PRKCE: variants seen among roughly 807,000 people sequenced by gnomAD.
The protein encoded by PRKCE is protein kinase C epsilon.
PRKCE carries 16 observed loss-of-function variants against 85.4 expected under a neutral mutation model. That is an observed-to-expected ratio of 0.19 (90% CI 0.13 to 0.28). The LOEUF is 0.28. Ranked by LOEUF, PRKCE falls within the 10% of genes least tolerant of loss-of-function variation. The pLI is 1.00. For missense variants in PRKCE, 573 were observed against 975.2 expected (o/e 0.59, Z 5.49); for synonymous variants, 388 against 371.5 (o/e 1.04, Z -0.51).
chr2:46,128,903 C>T (rs1217575313), intron 11 of PRKCE, among the ~76,000 whole-genome samples: 1 of 152,082 alleles, frequency 6.6e-6, no homozygotes, highest in Admixed American at 6.6e-5. Context: ...GGAGCAGGTG[C>T]TTTGAACTTG....
chr2:45,864,319 G>C (rs4953279), intron 2 of PRKCE, among the ~76,000 whole-genome samples: 61,630 of 151,992 alleles, frequency 0.41, 13,728 homozygotes, highest in East Asian at 0.8. Context: ...GCTCTCAGAA[G>C]AAGGCAAGAC....
At chr2:45,858,619 G>A (rs72801057) in intron 2 of PRKCE, among the ~76,000 whole-genome samples, 10,279 of 152,156 alleles carry the variant, frequency 0.068, 358 homozygotes, top group Middle Eastern at 0.11. Context: ...TTCCCCCAAT[G>A]GGGGAAAGAT....
intron 13 of PRKCE, among the ~76,000 whole-genome samples, chr2:46,154,238 C>T (rs910556565): frequency 6.6e-6 from 1 of 152,098 alleles, no homozygotes; most frequent in African/African-American, 2.4e-5. Context: ...GGTGCCTCTC[C>T]TGCCAGCCTC....
intron 11 of PRKCE, among the ~76,000 whole-genome samples, chr2:46,121,816 G>A (rs569366068): frequency 6.6e-6 from 1 of 152,288 alleles, no homozygotes; most frequent in African/African-American, 2.4e-5. Flanking sequence ...GCTGTGGACA[G>A]GAGTCAAGAT....
At chr2:45,914,031 G>A (rs1697571056) in intron 2 of PRKCE, among the ~76,000 whole-genome samples, 1 of 152,148 alleles carries the variant, frequency 6.6e-6, no homozygotes, top group Non-Finnish European at 1.5e-5. Flanking sequence ...TTTCTTCCTG[G>A]ATTGAAACCG....
chr2:45,848,678 G>A (rs1691995583), intron 2 of PRKCE, among the ~76,000 whole-genome samples: 1 of 151,632 alleles, frequency 6.6e-6, no homozygotes. Flanking sequence ...GGAGAGTGGA[G>A]AAGGAAGTAG....
chr2:46,143,762 G>A (rs561191431), intron 11 of PRKCE, among the ~76,000 whole-genome samples: 5 of 152,278 alleles, frequency 3.3e-5, no homozygotes, highest in African/African-American at 1.2e-4. Flanking sequence ...TGTTCTTTCT[G>A]TAGTTCATGA....
At chr2:46,113,817 A>G (rs1427926505) in intron 11 of PRKCE, among the ~76,000 whole-genome samples, 2 of 152,146 alleles carry the variant, frequency 1.3e-5, no homozygotes, top group African/African-American at 4.8e-5. Flanking sequence ...TCTCATACCC[A>G]TCATATCATA....
intron 1 of PRKCE, among the ~76,000 whole-genome samples, chr2:45,823,629 G>T (rs1217650252): frequency 6.6e-6 from 1 of 152,208 alleles, no homozygotes; most frequent in Non-Finnish European, 1.5e-5. Flanking sequence ...GGCCATGGTG[G>T]CAGGCACTCC....
At chr2:45,818,718 C>G (rs1392984379) in intron 1 of PRKCE, among the ~76,000 whole-genome samples, 1 of 152,184 alleles carries the variant, frequency 6.6e-6, no homozygotes, top group East Asian at 1.9e-4. Context: ...GCAGTTTTAA[C>G]ACGAGGAGGT....
At chr2:45,836,983 G>T (rs1464200726) in intron 1 of PRKCE, among the ~76,000 whole-genome samples, 2 of 152,216 alleles carry the variant, frequency 1.3e-5, no homozygotes, top group Non-Finnish European at 2.9e-5. Context: ...GGAAAGGTTT[G>T]CTTAGACATC....
intron 10 of PRKCE, among the ~76,000 whole-genome samples, chr2:46,035,130 C>T (rs996415215): frequency 2.0e-5 from 3 of 152,230 alleles, no homozygotes; most frequent in Non-Finnish European, 2.9e-5. Flanking sequence ...ATCAGAATGA[C>T]CCTTGATGTC....
chr2:45,951,746 C>T (rs893545539), intron 2 of PRKCE, among the ~76,000 whole-genome samples: 2 of 152,240 alleles, frequency 1.3e-5, no homozygotes, highest in Non-Finnish European at 2.9e-5. Context: ...TGAGTTTGTG[C>T]CAAGCTGGAT....
chr2:45,681,353 G>C (rs1032612337), intron 1 of PRKCE, among the ~76,000 whole-genome samples: 1 of 149,392 alleles, frequency 6.7e-6, no homozygotes, highest in Non-Finnish European at 1.5e-5. Context: ...AAGCCTCCTG[G>C]TGGGAAGTAA....
At chr2:46,059,008 T>C (rs993599175) in intron 10 of PRKCE, among the ~76,000 whole-genome samples, 4 of 152,206 alleles carry the variant, frequency 2.6e-5, no homozygotes, top group Admixed American at 1.3e-4. Context: ...AAAAGTGTCA[T>C]TTTAAGTAAT....
At chr2:45,704,079 C>T (rs1392536685) in intron 1 of PRKCE, among the ~76,000 whole-genome samples, 1 of 152,196 alleles carries the variant, frequency 6.6e-6, no homozygotes, top group African/African-American at 2.4e-5. Context: ...CCCAGAGACA[C>T]ATGGGCGATG....
At chr2:45,780,299 T>G (rs537847359) in intron 1 of PRKCE, among the ~76,000 whole-genome samples, 228 of 152,390 alleles carry the variant, frequency 1.5e-3, no homozygotes, top group Non-Finnish European at 2.3e-3. Flanking sequence ...TTTCTTTTTT[T>G]GTTTTTGCCA....
chr2:45,851,458 ATGTG>A (rs1056195129), intron 2 of PRKCE, among the ~76,000 whole-genome samples: 2 of 152,116 alleles, frequency 1.3e-5, no homozygotes, highest in African/African-American at 2.4e-5. Flanking sequence ...TGGGAGGGGT[ATGTG>A]TGTGTGTTTG....
intron 11 of PRKCE, among the ~76,000 whole-genome samples, chr2:46,086,873 C>CCAACAGGAA (rs1669694361): frequency 6.6e-6 from 1 of 152,122 alleles, no homozygotes; most frequent in Admixed American, 6.5e-5. Context: ...TAGACAATAT[C>CCAACAGGAA]CAACAGGAAG....
Sources: gnomAD v4.1 joint callset for allele counts (sites outside exome capture counted in the v4.1 genomes callset) on GRCh38, gnomAD v4.1.1 for gene constraint, MANE v1.5 for transcripts, NCBI Gene and HGNC (gene_info 2026-07-23, HGNC 2026-07-21) for gene names.